The following NAA60 variants were observed in gnomAD, a reference collection of about 807,000 sequenced individuals.
The protein encoded by NAA60 is N-alpha-acetyltransferase 60, NatF catalytic subunit, also known as N-alpha-acetyltransferase 60.
Under a neutral mutation model 26.1 loss-of-function variants are expected in NAA60, and 8 were observed. The observed-to-expected ratio is 0.31, with a 90% CI of 0.18 to 0.55. NAA60 has a LOEUF of 0.55. Among genes scored for constraint, NAA60 ranks in the 20% least tolerant of loss-of-function variants. The probability of loss-of-function intolerance (pLI) is 0.93; values close to 1 mark genes in which losing one functional copy is unlikely to be tolerated. For synonymous variants in NAA60, 131 were observed against 122.5 expected (o/e 1.07, Z -0.46); for missense variants, 290 against 311.3 (o/e 0.93, Z 0.51).
At chr16:3,469,200 T>C (rs2150986096) in intron 2 of NAA60, among the ~76,000 whole-genome samples, 1 of 152,366 alleles carries the variant, frequency 6.6e-6, no homozygotes, top group African/African-American at 2.4e-5. Flanking sequence ...GAAAGATGGC[T>C]TGGGCAACTG....
chr16:3,450,682 A>G (rs1596285150), intron 2 of NAA60, among the ~76,000 whole-genome samples: 1 of 145,068 alleles, frequency 6.9e-6, no homozygotes, highest in African/African-American at 2.6e-5. Context: ...CCTGGGCGAC[A>G]GAGTGAGACT....
At chr16:3,466,046 A>G (rs746383141) in intron 2 of NAA60, among the ~76,000 whole-genome samples, 1 of 152,210 alleles carries the variant, frequency 6.6e-6, no homozygotes, top group Non-Finnish European at 1.5e-5. Context: ...CATGCAGCCA[A>G]GTGCACAGCT....
rs762636312 is a variant in NAA60, at chr16:3,485,750, C to T, written c.*490C>T. ...AGGGGGCGCAATAAAGGGAATGGCC[C>T]GTCCCCTTCCAGAACCAGCCCAAAG... On this transcript the variant is annotated 3_prime_UTR_variant, in exon 8 of 8. Coordinates refer to ENST00000407558, the MANE Select transcript of NAA60 (RefSeq NM_001083601.3). 1.1e-5 allele frequency: 5 copies of T among 446,724 alleles called. No homozygotes were observed. The highest frequency in any genetic ancestry group is 7.0e-5 in the East Asian group (1 of 14,238). The allele number at this position is 446,724 out of a possible 1,614,324, so 27.7% of individuals were successfully genotyped here.
At chr16:3,444,250 T>G (rs1014121874) in intron 1 of NAA60, among the ~76,000 whole-genome samples, 2 of 152,176 alleles carry the variant, frequency 1.3e-5, no homozygotes, top group Admixed American at 6.5e-5. Flanking sequence ...AGTGCCCTGG[T>G]GTAGGCATTT....
chr16:3,480,647 G>C (rs1418390577), intron 4 of NAA60, among the ~76,000 whole-genome samples: 1 of 145,902 alleles, frequency 6.9e-6, no homozygotes, highest in African/African-American at 2.5e-5. Context: ...CCTGGGCACA[G>C]TGGCTCACAC....
At chr16:3,467,337 G>A (rs2035833279) in intron 2 of NAA60, among the ~76,000 whole-genome samples, 1 of 152,144 alleles carries the variant, frequency 6.6e-6, no homozygotes, top group South Asian at 2.1e-4. Context: ...CGGGAAGAGA[G>A]AGAAGGGAGG....
chr16:3,471,133 T>A (rs972027883), intron 2 of NAA60, among the ~76,000 whole-genome samples: 1 of 152,144 alleles, frequency 6.6e-6, no homozygotes, highest in Admixed American at 6.5e-5. Context: ...TCCCAGGACA[T>A]GAGAGATGCG....
intron 1 of NAA60, among the ~76,000 whole-genome samples, chr16:3,447,159 T>C (rs1356403051): frequency 6.6e-6 from 1 of 152,174 alleles, no homozygotes; most frequent in Non-Finnish European, 1.5e-5. Context: ...TAAGTATATA[T>C]CTTTTCCCTA....
At chr16:3,477,033 T>C (rs773795061) in intron 3 of NAA60, among the ~76,000 whole-genome samples, 1 of 151,950 alleles carries the variant, frequency 6.6e-6, no homozygotes, top group Admixed American at 6.6e-5. Context: ...AAGAGCGATA[T>C]TCCGTTTCAA....
At chr16:3,455,095 A>G (rs2034923414) in intron 2 of NAA60, among the ~76,000 whole-genome samples, 2 of 152,344 alleles carry the variant, frequency 1.3e-5, no homozygotes, top group South Asian at 4.1e-4. Flanking sequence ...TTTGTTGCCC[A>G]GGCTGGAGTG....
rs982876645 is a variant in NAA60, at chr16:3,476,072, G to A, written c.-6-150G>A. 19 of 603,602 alleles carry A rather than the reference G, an allele frequency of 3.1e-5. No homozygotes were observed. The Admixed American group carries it at 3.7e-4, about 12-fold the overall frequency. 37.4% of individuals were successfully genotyped at this position (603,602 alleles called of 1,614,324 possible). A position where few individuals can be genotyped will look rare whatever the true frequency, so the allele number is the denominator to read the frequency against. On this transcript the variant is annotated intron_variant, in intron 2 of 7. Coordinates refer to ENST00000407558, the MANE Select transcript of NAA60 (RefSeq NM_001083601.3). ...CGACTGCAGCGCCTCTTGGGAGGGC[G>A]ATCGTGAGAGGCAGAGGCCTCTGAG... is the stretch of plus-strand genomic sequence containing the variant.
At chr16:3,467,881 A>G (rs2035868423) in intron 2 of NAA60, 1 of 152,246 alleles carries the variant, frequency 6.6e-6, no homozygotes, top group Admixed American at 6.5e-5. Flanking sequence ...GGCACAAACA[A>G]AGCAAGAAAA....
intron 2 of NAA60, among the ~76,000 whole-genome samples, chr16:3,462,091 A>AAAACAAAAC (rs1567373947): frequency 6.6e-6 from 1 of 151,580 alleles, no homozygotes; most frequent in Non-Finnish European, 1.5e-5. Context: ...TATATCAAAA[A>AAAACAAAAC]AAAAAAAAAA....
At chr16:3,453,346 C>T (rs2034857194) in intron 2 of NAA60, among the ~76,000 whole-genome samples, 1 of 151,836 alleles carries the variant, frequency 6.6e-6, no homozygotes, top group Admixed American at 6.6e-5. Flanking sequence ...TGCATTGAGC[C>T]AAGATCCACT....
intron 2 of NAA60, among the ~76,000 whole-genome samples, chr16:3,461,137 T>A (rs571856287): frequency 5.5e-4 from 83 of 150,874 alleles, no homozygotes; most frequent in African/African-American, 1.9e-3. Flanking sequence ...GAAGCCCAAA[T>A]ATCTTACACT....
chr16:3,484,053 C>T (rs1292833928), intron 6 of NAA60, among the ~76,000 whole-genome samples: 2 of 152,200 alleles, frequency 1.3e-5, no homozygotes, highest in Non-Finnish European at 2.9e-5. Context: ...TTATAGGATG[C>T]ATGACCCAAA....
intron 2 of NAA60, among the ~76,000 whole-genome samples, chr16:3,467,125 G>A (rs2035814956): frequency 6.6e-6 from 1 of 152,172 alleles, no homozygotes; most frequent in East Asian, 1.9e-4. Flanking sequence ...TGGACCAGGG[G>A]TTGGGGGGCG....
intron 2 of NAA60, chr16:3,458,316 C>A: frequency 4.2e-6 from 2 of 477,364 alleles, no homozygotes; most frequent in Non-Finnish European, 5.5e-6. Context: ...GAGGCAGGCC[C>A]GGCCGCGCCC....
intron 2 of NAA60, among the ~76,000 whole-genome samples, chr16:3,475,634 A>G (rs1396064798): frequency 6.6e-6 from 1 of 152,136 alleles, no homozygotes; most frequent in African/African-American, 2.4e-5. Context: ...GGTGTCCCCC[A>G]AAGTCTCTTT....
Sources: gnomAD v4.1 joint callset for allele counts (sites outside exome capture counted in the v4.1 genomes callset) on GRCh38, gnomAD v4.1.1 for gene constraint, MANE v1.5 for transcripts, NCBI Gene and HGNC (gene_info 2026-07-23, HGNC 2026-07-21) for gene names.